The following POLR3G variants were observed in gnomAD, a reference collection of about 807,000 sequenced individuals.
The protein encoded by POLR3G is RNA polymerase III subunit G.
POLR3G carries 28 observed loss-of-function variants against 30.1 expected under a neutral mutation model. The ratio of observed to expected loss-of-function variants is 0.93; its 90% CI spans 0.69 to 1.27. POLR3G has a LOEUF of 1.27. Among genes scored for constraint, POLR3G ranks in the 50% most tolerant of loss-of-function variants. The probability of loss-of-function intolerance (pLI) is 0.00; values close to 1 mark genes in which losing one functional copy is unlikely to be tolerated. For synonymous variants in POLR3G, 79 were observed against 82.5 expected (o/e 0.96, Z 0.23); for missense variants, 254 against 264.6 (o/e 0.96, Z 0.28).
chr5:90,477,985 G>T (rs1028209997), intron 1 of POLR3G, among the ~76,000 whole-genome samples: 1 of 152,148 alleles, frequency 6.6e-6, no homozygotes, highest in Admixed American at 6.5e-5. Context: ...CTATGGAGAG[G>T]ATATTTCCTG....
intron 1 of POLR3G, among the ~76,000 whole-genome samples, chr5:90,482,523 G>T (rs1751195060): frequency 6.6e-6 from 1 of 152,206 alleles, no homozygotes; most frequent in African/African-American, 2.4e-5. Context: ...CTTGCCTGGG[G>T]ACTAGACTGC....
intron 6 of POLR3G, among the ~76,000 whole-genome samples, chr5:90,505,193 G>A (rs1752427631): frequency 1.3e-5 from 2 of 152,230 alleles, no homozygotes; most frequent in South Asian, 2.1e-4. Flanking sequence ...CTCTCTATAT[G>A]TAATCTACAA....
At chr5:90,511,616 CT>C (rs11331138) in intron 7 of POLR3G, among the ~76,000 whole-genome samples, 82,863 of 138,862 alleles carry the variant, frequency 0.6, 24,328 homozygotes, top group African/African-American at 0.72. Flanking sequence ...GGTATCATGC[CT>C]TTTTTTTTTT....
At chr5:90,481,133 T>C (rs1751103686) in intron 1 of POLR3G, among the ~76,000 whole-genome samples, 1 of 152,140 alleles carries the variant, frequency 6.6e-6, no homozygotes, top group East Asian at 1.9e-4. Flanking sequence ...CAATTCATAA[T>C]GGAAAAATTG....
chr5:90,508,388 A>G (rs1404145216), intron 7 of POLR3G, among the ~76,000 whole-genome samples: 1 of 150,802 alleles, frequency 6.6e-6, no homozygotes, highest in Non-Finnish European at 1.5e-5. Flanking sequence ...TAACGGCCCT[A>G]TCCTTTTTTG....
At chr5:90,508,887 C>T (rs1187953301) in intron 7 of POLR3G, among the ~76,000 whole-genome samples, 1 of 152,092 alleles carries the variant, frequency 6.6e-6, no homozygotes, top group Non-Finnish European at 1.5e-5. Context: ...CATGGTGAAA[C>T]CCTGTCTCTA....
At chr5:90,491,594 C>G (rs1346583425) in intron 3 of POLR3G, among the ~76,000 whole-genome samples, 2 of 151,320 alleles carry the variant, frequency 1.3e-5, no homozygotes, top group African/African-American at 2.4e-5. Context: ...TTTATTCTTG[C>G]ATAGAGGTTT....
At chr5:90,502,223 A>C in intron 6 of POLR3G, 2 of 984,572 alleles carry the variant, frequency 2.0e-6, no homozygotes, top group Non-Finnish European at 2.4e-6. Flanking sequence ...ACCTTCTGTC[A>C]CCTCTTTCTT....
chr5:90,509,309 A>G (rs997659060), intron 7 of POLR3G, among the ~76,000 whole-genome samples: 8 of 151,988 alleles, frequency 5.3e-5, no homozygotes, highest in African/African-American at 1.7e-4. Flanking sequence ...CTCTGATTGC[A>G]TCCCTCCCCA....
chr5:90,475,856 C>T (rs947953207), intron 1 of POLR3G, among the ~76,000 whole-genome samples: 8 of 152,100 alleles, frequency 5.3e-5, no homozygotes, highest in Admixed American at 2.0e-4. Flanking sequence ...AGGTTACAGG[C>T]GCCTGCCACT....
At chr5:90,491,880 T>G (rs755797965) in intron 3 of POLR3G, among the ~76,000 whole-genome samples, 1 of 152,226 alleles carries the variant, frequency 6.6e-6, no homozygotes, top group African/African-American at 2.4e-5. Flanking sequence ...TTATCACTAT[T>G]ATGTCATCAT....
intron 1 of POLR3G, among the ~76,000 whole-genome samples, chr5:90,480,144 A>G (rs1751052073): frequency 6.6e-6 from 1 of 152,218 alleles, no homozygotes; most frequent in South Asian, 2.1e-4. Flanking sequence ...TATGAAGTAG[A>G]GAAACATTTG....
intron 5 of POLR3G, among the ~76,000 whole-genome samples, chr5:90,497,981 G>A (rs987060455): frequency 1.3e-5 from 2 of 151,950 alleles, no homozygotes; most frequent in South Asian, 4.2e-4. Context: ...GTGGTGGCAT[G>A]CACCTGTAGT....
At chr5:90,476,453 G>A (rs1257708433) in intron 1 of POLR3G, among the ~76,000 whole-genome samples, 1 of 152,214 alleles carries the variant, frequency 6.6e-6, no homozygotes, top group African/African-American at 2.4e-5. Flanking sequence ...AAGAATACAG[G>A]TGGAAGGGAT....
At chr5:90,496,074 C>T (rs1751974000) in intron 4 of POLR3G, among the ~76,000 whole-genome samples, 1 of 152,072 alleles carries the variant, frequency 6.6e-6, no homozygotes, top group Admixed American at 6.5e-5. Flanking sequence ...AGGGATCATG[C>T]CATTCTCCTG....
In POLR3G at chr5:90,488,004, C is replaced by T. The variant is rs150301152; in HGVS notation, c.122C>T (p.Thr41Ile). The T allele has an allele frequency of 4.7e-5, 74 of 1,583,744 alleles. 1 individual carries two copies. In the Middle Eastern group the frequency reaches 3.2e-3, roughly 68 times the overall value. The change falls in exon 3 of 8, where the codon ACA (threonine) becomes ATA (isoleucine). Residue 41 changes from threonine (T) to isoleucine (I), a missense_variant. Transcript: ENST00000651687. ...TTTGTCTCTTAATTTAAACAGGATA[C>T]AGATTATAAACCAGTGCCACTGAAA... The part of the protein sequence containing the change: ...VLKPPPLFPD[T>I]DYKPVPLKTG...
chr5:90,485,604 A>G lies in POLR3G; in HGVS notation c.37A>G (p.Thr13Ala). 1.2e-6 allele frequency: 2 copies of G among 1,613,974 alleles called. No homozygotes were observed. Among genetic ancestry groups the G allele is most frequent in the Non-Finnish European group, 1.7e-6 (2 of 1,179,958 alleles). The change falls in exon 2 of 8, where the codon ACC becomes GCC. Residue 13 changes from threonine to alanine, a missense_variant. Thr to Ala is a moderately conservative substitution (Grantham distance 58). Coordinates refer to ENST00000651687, the MANE Select transcript of POLR3G (RefSeq NM_006467.3). Reference protein sequence around the residue: ...GNKGRGRAAYTFNIEAVGFSK... With the variant: ...GNKGRGRAAYAFNIEAVGFSK... ...TAAAGGAAGAGGACGTGCTGCTTATACCTTTAATATTGAGGCTGTTGGATT... is the reference window on the plus strand; with the variant it reads ...TAAAGGAAGAGGACGTGCTGCTTATGCCTTTAATATTGAGGCTGTTGGATT...
At position 90,497,678 on chromosome 5, in the gene POLR3G, G is replaced by C; in HGVS notation, c.327G>C (p.Glu109Asp). Residue 109 changes from glutamate (E) to aspartate (D), a missense_variant, in exon 5 of 8, where the codon GAG (glutamate) becomes GAC (aspartate). By Grantham distance (45) the Glu-to-Asp change is conservative. Coordinates refer to ENST00000651687, the MANE Select transcript of POLR3G (RefSeq NM_006467.3). Reference sequence around the variant, plus strand: ...CAGATTGGAGAAGACTTCCAAGAGAGATGATGCCAAGAAATAAATGTAAAA... The same window carrying C: ...CAGATTGGAGAAGACTTCCAAGAGACATGATGCCAAGAAATAAATGTAAAA... ...WIPDWRRLPR[E>D]MMPRNKCKKA... 6.2e-7 allele frequency: 1 copy of C among 1,603,802 alleles called. No individual in the cohort carries two copies. Among genetic ancestry groups the C allele is most frequent in the Non-Finnish European group, 8.5e-7 (1 of 1,175,642 alleles).
intron 1 of POLR3G, among the ~76,000 whole-genome samples, chr5:90,480,136 T>A (rs1751051359): frequency 6.6e-6 from 1 of 152,192 alleles, no homozygotes; most frequent in African/African-American, 2.4e-5. Context: ...TTGGGCCATA[T>A]GAAGTAGAGA....
Sources: allele counts gnomAD v4.1 joint callset (sites outside exome capture counted in the v4.1 genomes callset), GRCh38; gene constraint gnomAD v4.1.1; transcripts MANE v1.5; gene names NCBI Gene and HGNC (gene_info 2026-07-23, HGNC 2026-07-21).